The following SOD2 variants were observed in gnomAD, a reference collection of about 807,000 sequenced individuals.
SOD2 encodes superoxide dismutase [Mn], mitochondrial.
Under a neutral mutation model 27.0 loss-of-function variants are expected in SOD2, and 11 were observed. That is an observed-to-expected ratio of 0.41 (90% confidence interval 0.26 to 0.67). The LOEUF (loss-of-function observed/expected upper bound fraction) is 0.67, where lower values mean the gene tolerates loss of function less well. Ranked by LOEUF, SOD2 falls within the 30% of genes least tolerant of loss-of-function variation. The pLI is 0.34. For missense variants in SOD2, 250 were observed against 274.5 expected (o/e 0.91, Z 0.63); for synonymous variants, 105 against 103.0 (o/e 1.02, Z -0.12).
upstream of SOD2, among the ~76,000 whole-genome samples, chr6:159,693,662 C>T (rs1005659928): frequency 1.5e-4 from 23 of 152,324 alleles, no homozygotes; most frequent in African/African-American, 5.3e-4. Flanking sequence ...TGCCGGGGGG[C>T]CGCGGGGTCC....
At chr6:159,683,338 A>G (rs989923339) in intron 4 of SOD2, among the ~76,000 whole-genome samples, 1 of 152,098 alleles carries the variant, frequency 6.6e-6, no homozygotes, top group Non-Finnish European at 1.5e-5. Flanking sequence ...ACAAAAAATT[A>G]GCCTGGCGAG....
chr6:159,695,661 AT>A (rs1419212407), upstream of SOD2, among the ~76,000 whole-genome samples: 1 of 151,874 alleles, frequency 6.6e-6, no homozygotes. Flanking sequence ...TGCCTGGCTA[AT>A]TTTTTTTATT....
chr6:159,762,198 G>C (rs1410924077), exon 1 of SOD2: 1 of 1,568,294 alleles, frequency 6.4e-7, no homozygotes, highest in African/African-American at 1.4e-5. Context: ...TTCGGCAGGA[G>C]CGCCGAGGGC....
intron 1 of SOD2, among the ~76,000 whole-genome samples, chr6:159,753,110 G>T (rs528031767): frequency 4.9e-4 from 75 of 152,324 alleles, no homozygotes; most frequent in South Asian, 1.5e-3. Flanking sequence ...ATTCCTTAGT[G>T]TAATAATACT....
chr6:159,697,282 G>T (rs182298068), upstream of SOD2, among the ~76,000 whole-genome samples: 77 of 152,008 alleles, frequency 5.1e-4, no homozygotes, highest in East Asian at 4.1e-3. Context: ...GGTTTGTGGG[G>T]TTTTTTTCTG....
exon 1 of SOD2, chr6:159,762,036 G>A: frequency 6.2e-7 from 1 of 1,602,668 alleles, no homozygotes; most frequent in Non-Finnish European, 8.5e-7. Flanking sequence ...GCGAGGAGGA[G>A]CTTTGCCTAG....
At chr6:159,754,609 C>T (rs1008559893) in intron 1 of SOD2, among the ~76,000 whole-genome samples, 3 of 152,174 alleles carry the variant, frequency 2.0e-5, no homozygotes, top group African/African-American at 7.2e-5. Context: ...TACATATAAA[C>T]CTATGTACAT....
intron 1 of SOD2, chr6:159,755,822 AAC>A (rs1779994865): frequency 1.3e-6 from 1 of 757,172 alleles, no homozygotes; most frequent in Non-Finnish European, 1.7e-6. Context: ...TGGAAATTGT[AAC>A]AGTTAATTAC....
intron 1 of SOD2, among the ~76,000 whole-genome samples, chr6:159,753,897 C>T (rs1192162710): frequency 6.6e-6 from 1 of 152,124 alleles, no homozygotes; most frequent in East Asian, 1.9e-4. Flanking sequence ...TGTTGTATTA[C>T]TTAACAAGAT....
intron 1 of SOD2, 40 bp downstream of exon 1, chr6:159,693,105 T>C: frequency 6.6e-7 from 1 of 1,523,146 alleles, no homozygotes; most frequent in East Asian, 2.7e-5. Context: ...CGCGAGCCCC[T>C]TCGCCCTTGG....
In SOD2 at chr6:159,679,062, CAGA is replaced by C. The variant is rs1297415503; in HGVS notation, c.*3428_*3430del. On this transcript the variant is annotated 3_prime_UTR_variant, in exon 5 of 5. Coordinates refer to ENST00000538183, the MANE Select transcript of SOD2 (RefSeq NM_000636.4). ...TCCCATGGAAACTCAGTGAAAATGA[CAGA>C]AGATTATAGGATTTTTAAAGTTTTT... 5.9e-5 allele frequency: 9 copies of C among 152,178 alleles called. No individual in the cohort carries two copies. The highest frequency in any genetic ancestry group is 5.9e-4 in the Admixed American group (9 of 15,274). The allele number at this position is 152,178 out of a possible 1,614,324, so 9.4% of individuals were successfully genotyped here. A position where few individuals can be genotyped will look rare whatever the true frequency, so the allele number is the denominator to read the frequency against.
At chr6:159,711,930 C>T (rs79893243) in intron 1 of SOD2, among the ~76,000 whole-genome samples, 1,472 of 96,108 alleles carry the variant, frequency 0.015, 31 homozygotes, top group Middle Eastern at 0.11. Flanking sequence ...ACCACCTCCA[C>T]AACCACCACT....
chr6:159,713,369 TG>T, intron 1 of SOD2: 1 of 651,316 alleles, frequency 1.5e-6, no homozygotes, highest in Admixed American at 2.6e-5. Flanking sequence ...GGCCTATCAC[TG>T]GGACCTGGCC....
intron 1 of SOD2, among the ~76,000 whole-genome samples, chr6:159,740,611 C>T (rs149908777): frequency 2.0e-4 from 31 of 151,690 alleles, no homozygotes; most frequent in Admixed American, 1.7e-3. Context: ...TTGTAAGTGC[C>T]GTAAAAATAA....
At chr6:159,716,680 G>A (rs1221104132) in intron 1 of SOD2, among the ~76,000 whole-genome samples, 1 of 152,174 alleles carries the variant, frequency 6.6e-6, no homozygotes, top group Admixed American at 6.5e-5. Context: ...TGAAAATATA[G>A]AAAGGGACAC....
intron 1 of SOD2, among the ~76,000 whole-genome samples, chr6:159,744,494 C>T (rs1429507871): frequency 6.7e-6 from 1 of 150,144 alleles, no homozygotes; most frequent in Non-Finnish European, 1.5e-5. Flanking sequence ...GTATTCTGGT[C>T]ATTGGAGACA....
At chr6:159,719,391 G>A in intron 1 of SOD2, among the ~76,000 whole-genome samples, 1 of 152,036 alleles carries the variant, frequency 6.6e-6, no homozygotes, top group East Asian at 1.9e-4. Context: ...AGCTGAGTAC[G>A]GTGGCATGTG....
At chr6:159,704,579 G>A (rs1188317663) in intron 1 of SOD2, among the ~76,000 whole-genome samples, 1 of 152,216 alleles carries the variant, frequency 6.6e-6, no homozygotes, top group Non-Finnish European at 1.5e-5. Context: ...GGCTAGGGGA[G>A]GGGCGCCTGC....
intron 1 of SOD2, chr6:159,713,326 T>C: frequency 1.5e-6 from 1 of 657,548 alleles, no homozygotes; most frequent in Non-Finnish European, 2.8e-6. Flanking sequence ...ACCCAGCTCC[T>C]CTGCCAATGC....
Sources: gnomAD v4.1 joint callset for allele counts (sites outside exome capture counted in the v4.1 genomes callset) on GRCh38, gnomAD v4.1.1 for gene constraint, MANE v1.5 for transcripts, NCBI Gene and HGNC (gene_info 2026-07-23, HGNC 2026-07-21) for gene names.